The following SAMD12 variants were observed in gnomAD, a reference collection of about 807,000 sequenced individuals.
SAMD12 encodes sterile alpha motif domain-containing protein 12.
Under a neutral mutation model 15.0 loss-of-function variants are expected in SAMD12, and 9 were observed. The ratio of observed to expected loss-of-function variants is 0.60; its 90% confidence interval spans 0.36 to 1.05. The LOEUF is 1.05. Among genes scored for constraint, SAMD12 ranks in the 50% least tolerant of loss-of-function variants. SAMD12 has a pLI of 0.01. For missense variants in SAMD12, 230 were observed against 234.2 expected (o/e 0.98, Z 0.12); for synonymous variants, 86 against 90.1 (o/e 0.96, Z 0.25).
At chr8:118,352,836 TGCTAACCGTAGA>T (rs1341176441) in intron 4 of SAMD12, among the ~76,000 whole-genome samples, 9 of 152,288 alleles carry the variant, frequency 5.9e-5, no homozygotes, top group African/African-American at 1.7e-4. Flanking sequence ...CAAAGACCTA[TGCTAACCGTAGA>T]GCCAGCAAAT....
intron 4 of SAMD12, among the ~76,000 whole-genome samples, chr8:118,201,011 ATCTT>A (rs1170490217): frequency 6.6e-6 from 1 of 152,116 alleles, no homozygotes; most frequent in African/African-American, 2.4e-5. Context: ...TTGAACCTTA[ATCTT>A]TCTATCAATC....
At chr8:118,348,159 C>T (rs948198876) in intron 4 of SAMD12, among the ~76,000 whole-genome samples, 2 of 152,200 alleles carry the variant, frequency 1.3e-5, no homozygotes, top group Admixed American at 1.3e-4. Context: ...TCACTGCAGC[C>T]TCTGCCTCCC....
chr8:118,563,596 T>A (rs762954410), intron 2 of SAMD12, among the ~76,000 whole-genome samples: 12 of 152,200 alleles, frequency 7.9e-5, no homozygotes, highest in Non-Finnish European at 1.5e-4. Context: ...ATTTCCCTCA[T>A]AAATATCCTG....
At chr8:118,551,967 A>G (rs1446449071) in intron 2 of SAMD12, among the ~76,000 whole-genome samples, 1 of 151,446 alleles carries the variant, frequency 6.6e-6, no homozygotes, top group Non-Finnish European at 1.5e-5. Flanking sequence ...CTCTCCCAAG[A>G]CTAAACCAGG....
At chr8:118,288,792 C>A (rs929182850) in intron 4 of SAMD12, among the ~76,000 whole-genome samples, 3 of 151,996 alleles carry the variant, frequency 2.0e-5, no homozygotes, top group African/African-American at 7.2e-5. Flanking sequence ...GGAAGTTGAA[C>A]CAATCTTTTA....
intron 4 of SAMD12, among the ~76,000 whole-genome samples, chr8:118,340,536 A>G (rs893007626): frequency 6.6e-6 from 1 of 152,180 alleles, no homozygotes; most frequent in African/African-American, 2.4e-5. Context: ...TGGGAGGCCA[A>G]GGTGGGTGGA....
At position 118,441,919 on chromosome 8, in the gene SAMD12, T is replaced by A. The variant is rs574373128; in HGVS notation, c.193-1958A>T. ...CACATGGAGAGACCATGTGTAGGAA[T>A]TTTGGTCAATTTGCCAGCTAAGGTC... On this transcript the variant is annotated intron_variant, in intron 2 of 3. Transcript: ENST00000314727. Among the ~76,000 whole-genome samples the A allele has an allele frequency of 5.2e-3, 794 of 152,082 alleles. 11 individuals carry two copies. Among genetic ancestry groups the A allele is most frequent in the African/African-American group, 0.017 (712 of 41,488 alleles).
chr8:118,454,587 A>G (rs1254572076), intron 2 of SAMD12, among the ~76,000 whole-genome samples: 2 of 152,190 alleles, frequency 1.3e-5, no homozygotes, highest in African/African-American at 4.8e-5. Flanking sequence ...GATCTTTCAA[A>G]TTGAGTATCT....
At chr8:118,227,572 G>A (rs532432576) in intron 4 of SAMD12, among the ~76,000 whole-genome samples, 5 of 152,246 alleles carry the variant, frequency 3.3e-5, no homozygotes, top group Non-Finnish European at 7.4e-5. Flanking sequence ...GTATAACATG[G>A]AATATGATAC....
At chr8:118,347,902 CAG>C (rs1162764419) in intron 4 of SAMD12, among the ~76,000 whole-genome samples, 1 of 152,148 alleles carries the variant, frequency 6.6e-6, no homozygotes, top group Non-Finnish European at 1.5e-5. Flanking sequence ...GTGGCACAGT[CAG>C]GGGTTAACAT....
the SAMD12 span, among the ~76,000 whole-genome samples, chr8:118,183,216 G>GAA: frequency 6.6e-6 from 1 of 152,154 alleles, no homozygotes; most frequent in African/African-American, 2.4e-5. Context: ...TTTCCTGTGG[G>GAA]AGGAACTTTG....
chr8:118,562,822 C>A (rs1047318695), intron 2 of SAMD12, among the ~76,000 whole-genome samples: 15 of 152,128 alleles, frequency 9.9e-5, no homozygotes, highest in Admixed American at 1.3e-4. Context: ...TTTGATGTTG[C>A]CCTTTGATGT....
chr8:118,406,890 TTGTGTG>T (rs3052708), intron 3 of SAMD12, among the ~76,000 whole-genome samples: 26 of 147,448 alleles, frequency 1.8e-4, no homozygotes, highest in East Asian at 1.4e-3. Context: ...CAATATTCCA[TTGTGTG>T]TGTGTGTGTG....
At chr8:118,337,781 TGCTA>T (rs952924750) in intron 4 of SAMD12, among the ~76,000 whole-genome samples, 59 of 152,322 alleles carry the variant, frequency 3.9e-4, no homozygotes, top group African/African-American at 1.3e-3. Context: ...AGAGTAGTGA[TGCTA>T]GCAATCAGGA....
intron 2 of SAMD12, among the ~76,000 whole-genome samples, chr8:118,530,462 C>A (rs995168722): frequency 6.6e-6 from 1 of 152,078 alleles, no homozygotes; most frequent in Non-Finnish European, 1.5e-5. Context: ...TAAGTGAGAA[C>A]CTGGTATTTG....
At chr8:118,187,787 G>A (rs1218189812), downstream of SAMD12, among the ~76,000 whole-genome samples, 1 of 152,122 alleles carries the variant, frequency 6.6e-6, no homozygotes, top group African/African-American at 2.4e-5. Context: ...ATCTGGTGTA[G>A]TCTTTATTAC....
At chr8:118,195,001 G>A (rs1281421717) in exon 5 of SAMD12, 1 of 152,154 alleles carries the variant, frequency 6.6e-6, no homozygotes, top group Non-Finnish European at 1.5e-5. Context: ...AGGCATTAAG[G>A]CATTTTTAGA....
Position 118,309,423 on chromosome 8 carries a change from TTTTA to T in SAMD12, c.433+70133_433+70136del, listed in dbSNP as rs545583151. 1.3e-3 allele frequency among the ~76,000 whole-genome samples: 200 copies of T among 151,134 alleles called. 1 individual carries two copies. Among genetic ancestry groups the T allele is most frequent in the African/African-American group, 4.6e-3 (189 of 40,756 alleles). Reference sequence around the variant, plus strand: ...GTGTGTGTGTATGTGTATTATCACATTTTATTTATCCACTTGTTGATTGACGGGC... The same window carrying T: ...GTGTGTGTGTATGTGTATTATCACATTTTATCCACTTGTTGATTGACGGGC... On this transcript the variant is annotated intron_variant, in intron 4 of 4. Transcript: ENST00000409003.
At chr8:118,142,828 GT>G in the SAMD12 span, among the ~76,000 whole-genome samples, 3 of 152,150 alleles carry the variant, frequency 2.0e-5, no homozygotes, top group African/African-American at 4.8e-5. Context: ...ATACTATCCT[GT>G]GTCATAGAGC....
Sources: gnomAD v4.1 joint callset for allele counts (sites outside exome capture counted in the v4.1 genomes callset) on GRCh38, gnomAD v4.1.1 for gene constraint, MANE v1.5 for transcripts, NCBI Gene and HGNC (gene_info 2026-07-23, HGNC 2026-07-21) for gene names.